LRMDA: variants seen among roughly 807,000 people sequenced by gnomAD.
LRMDA encodes leucine-rich melanocyte differentiation-associated protein.
LRMDA carries 18 observed loss-of-function variants against 29.8 expected under a neutral mutation model. The observed-to-expected ratio is 0.60, with a 90% CI of 0.42 to 0.90. The LOEUF is 0.90. Among genes scored for constraint, LRMDA ranks in the 40% least tolerant of loss-of-function variants. LRMDA has a pLI of 0.00. For missense variants in LRMDA, 273 were observed against 273.9 expected, an observed-to-expected ratio of 1.00 and a Z score of 0.02; for synonymous variants, 125 against 109.4, an observed-to-expected ratio of 1.14 and a Z score of -0.89.
chr10:75,599,256 G>A (rs1434070570), intron 2 of LRMDA, among the ~76,000 whole-genome samples: 1 of 152,178 alleles, frequency 6.6e-6, no homozygotes, highest in Non-Finnish European at 1.5e-5. Flanking sequence ...AGCATTAGCA[G>A]GGCCATTAAG....
intron 2 of LRMDA, among the ~76,000 whole-genome samples, chr10:75,621,809 C>T (rs1445244658): frequency 6.6e-6 from 1 of 152,180 alleles, no homozygotes. Flanking sequence ...GGACCCTGAT[C>T]TGATGTGGTC....
At chr10:75,490,328 T>C (rs1181356502) in intron 2 of LRMDA, among the ~76,000 whole-genome samples, 4 of 110,006 alleles carry the variant, frequency 3.6e-5, no homozygotes, top group African/African-American at 1.5e-4. Context: ...ATATATGACA[T>C]GTACACATAC....
intron 2 of LRMDA, among the ~76,000 whole-genome samples, chr10:75,874,391 A>G (rs550714376): frequency 6.6e-6 from 1 of 152,374 alleles, no homozygotes; most frequent in Non-Finnish European, 1.5e-5. Flanking sequence ...AGGGCCAGGC[A>G]TCTAGACACC....
chr10:76,190,040 C>T (rs997556010), intron 5 of LRMDA, among the ~76,000 whole-genome samples: 1 of 152,138 alleles, frequency 6.6e-6, no homozygotes, highest in Non-Finnish European at 1.5e-5. Flanking sequence ...GCTAGCATAG[C>T]CTCGACCTCA....
chr10:76,007,185 C>T (rs1459254719), intron 2 of LRMDA, among the ~76,000 whole-genome samples: 1 of 152,064 alleles, frequency 6.6e-6, no homozygotes, highest in African/African-American at 2.4e-5. Flanking sequence ...CCATTTTGTT[C>T]TCTGTAAAAT....
chr10:75,563,531 G>A (rs1339234129), intron 2 of LRMDA, among the ~76,000 whole-genome samples: 4 of 152,120 alleles, frequency 2.6e-5, no homozygotes, highest in South Asian at 2.1e-4. Context: ...CTCTCAACTC[G>A]TCAAAGTCAT....
intron 5 of LRMDA, among the ~76,000 whole-genome samples, chr10:76,139,721 GT>G (rs912043393): frequency 3.3e-5 from 5 of 152,270 alleles, no homozygotes; most frequent in Admixed American, 3.3e-4. Flanking sequence ...TTATGACAGT[GT>G]TTTTCTAGTA....
chr10:76,397,450 A>T (rs1841798186), intron 6 of LRMDA, among the ~76,000 whole-genome samples: 1 of 152,114 alleles, frequency 6.6e-6, no homozygotes, highest in Non-Finnish European at 1.5e-5. Flanking sequence ...TAATTTCCTA[A>T]CTTTGTGGGG....
intron 6 of LRMDA, among the ~76,000 whole-genome samples, chr10:76,505,064 G>T (rs1196210226): frequency 6.6e-5 from 10 of 150,886 alleles, no homozygotes; most frequent in Non-Finnish European, 1.3e-4. Context: ...TTGAAGCTTA[G>T]TTTGGCAGAA....
At chr10:76,368,225 G>T (rs1841414604) in intron 6 of LRMDA, among the ~76,000 whole-genome samples, 2 of 152,112 alleles carry the variant, frequency 1.3e-5, no homozygotes, top group African/African-American at 4.8e-5. Flanking sequence ...ACTTTTTGAT[G>T]TAGGCGTTTA....
intron 5 of LRMDA, among the ~76,000 whole-genome samples, chr10:76,086,020 TTTTATAGTCTTCTCAAG>T (rs1849129042): frequency 1.3e-5 from 2 of 152,282 alleles, no homozygotes; most frequent in African/African-American, 4.8e-5. Context: ...CCCCGCCCAA[TTTTATAGTCTTCTCAAG>T]TTTAAAGACT....
intron 6 of LRMDA, among the ~76,000 whole-genome samples, chr10:76,520,803 CTCTT>C (rs1249769701): frequency 6.6e-6 from 1 of 152,052 alleles, no homozygotes; most frequent in Non-Finnish European, 1.5e-5. Flanking sequence ...GATATTTTTT[CTCTT>C]TCTTTCTGTT....
In LRMDA at chr10:76,521,086, A is replaced by G. The variant is rs189249533; in HGVS notation, c.602-36123A>G. Among the ~76,000 whole-genome samples the G allele has an allele frequency of 4.7e-3, 711 of 151,614 alleles. 4 individuals carry two copies. Among genetic ancestry groups the G allele is most frequent in the Middle Eastern group, 0.041 (12 of 292 alleles). On this transcript the variant is annotated intron_variant, in intron 6 of 6. Coordinates refer to ENST00000611255, the MANE Select transcript of LRMDA (RefSeq NM_001305581.2). ...TTACAATTTCATGTTCTATGTTAGC[A>G]TGGTTTCATGCTTTTCTCTGTTGCT... is the stretch of plus-strand genomic sequence containing the variant.
At chr10:76,160,632 T>C (rs1199168409) in intron 5 of LRMDA, among the ~76,000 whole-genome samples, 1 of 152,150 alleles carries the variant, frequency 6.6e-6, no homozygotes, top group East Asian at 1.9e-4. Context: ...ACTTACAATT[T>C]TTTTGAAATA....
chr10:75,498,301 T>A (rs1845071766), intron 2 of LRMDA, among the ~76,000 whole-genome samples: 1 of 152,222 alleles, frequency 6.6e-6, no homozygotes, highest in Admixed American at 6.5e-5. Flanking sequence ...AAGTTCTGTA[T>A]GGCAGGAAAA....
intron 2 of LRMDA, among the ~76,000 whole-genome samples, chr10:75,822,303 A>G (rs1312378466): frequency 6.6e-6 from 1 of 152,216 alleles, no homozygotes; most frequent in Non-Finnish European, 1.5e-5. Context: ...CACTGAAGAA[A>G]GAAATCATAG....
At chr10:75,799,185 T>A (rs538797775) in intron 2 of LRMDA, among the ~76,000 whole-genome samples, 5 of 152,364 alleles carry the variant, frequency 3.3e-5, no homozygotes, top group African/African-American at 1.2e-4. Flanking sequence ...ATTGTGGATT[T>A]ATCAATTTTT....
At chr10:75,450,492 A>G (rs796146477) in intron 2 of LRMDA, 3 of 152,268 alleles carry the variant, frequency 2.0e-5, no homozygotes, top group African/African-American at 7.2e-5. Flanking sequence ...TCACCAAACC[A>G]TTCTTGAGAT....
intron 2 of LRMDA, among the ~76,000 whole-genome samples, chr10:75,978,942 G>A (rs1304185557): frequency 6.6e-6 from 1 of 152,166 alleles, no homozygotes; most frequent in Admixed American, 6.5e-5. Context: ...GTGGCTAAAT[G>A]TGGGTCCTGG....
Sources: allele counts gnomAD v4.1 joint callset (sites outside exome capture counted in the v4.1 genomes callset), GRCh38; gene constraint gnomAD v4.1.1; transcripts MANE v1.5; gene names NCBI Gene and HGNC (gene_info 2026-07-23, HGNC 2026-07-21).